M1AP: variants seen among roughly 807,000 people sequenced by gnomAD.
M1AP encodes the protein meiosis 1 arrest protein.
In M1AP, 39 loss-of-function variants were observed where a neutral mutation model predicts 51.2. That is an observed-to-expected ratio of 0.76 (90% CI 0.59 to 1.00). The LOEUF (loss-of-function observed/expected upper bound fraction) is 1.00. Among genes scored for constraint, M1AP ranks in the 50% least tolerant of loss-of-function variants. The pLI, the probability that M1AP is intolerant of heterozygous loss-of-function variation, is 0.00. For synonymous variants in M1AP, 251 were observed against 249.2 expected, an observed-to-expected ratio of 1.01 and a Z score of -0.07; for missense variants, 545 against 641.2, an observed-to-expected ratio of 0.85 and a Z score of 1.62.
intron 1 of M1AP, among the ~76,000 whole-genome samples, chr2:74,641,887 C>T (rs915939035): frequency 2.0e-5 from 3 of 151,396 alleles, no homozygotes; most frequent in African/African-American, 4.9e-5. Flanking sequence ...CTCTTGTTGC[C>T]CAGGCTGGAG....
chr2:74,569,290 C>A (rs550728263), intron 7 of M1AP, among the ~76,000 whole-genome samples: 4 of 151,928 alleles, frequency 2.6e-5, no homozygotes, highest in Admixed American at 2.6e-4. Context: ...TTAAAAACCA[C>A]ATGAGGTATA....
At chr2:74,591,966 T>C (rs1680068631) in intron 4 of M1AP, among the ~76,000 whole-genome samples, 1 of 151,930 alleles carries the variant, frequency 6.6e-6, no homozygotes, top group Admixed American at 6.6e-5. Flanking sequence ...TTTATTTTAT[T>C]TTATTTTATT....
intron 2 of M1AP, among the ~76,000 whole-genome samples, chr2:74,621,294 A>C (rs563610426): frequency 3.9e-4 from 59 of 151,700 alleles, no homozygotes; most frequent in African/African-American, 1.3e-3. Flanking sequence ...AAAAAACCCC[A>C]AAAAACAAAA....
intron 1 of M1AP, among the ~76,000 whole-genome samples, chr2:74,646,077 T>C (rs1683595842): frequency 6.6e-6 from 1 of 152,226 alleles, no homozygotes; most frequent in African/African-American, 2.4e-5. Context: ...CGTACTGATA[T>C]AATATAGTGA....
chr2:74,560,799 C>A (rs1212345307), intron 8 of M1AP, among the ~76,000 whole-genome samples: 2 of 152,064 alleles, frequency 1.3e-5, no homozygotes, highest in Non-Finnish European at 2.9e-5. Flanking sequence ...GAACCACTGG[C>A]CCCAAAGTGA....
intron 2 of M1AP, among the ~76,000 whole-genome samples, chr2:74,631,425 C>T (rs747732415): frequency 1.6e-4 from 24 of 152,070 alleles, no homozygotes; most frequent in African/African-American, 4.8e-4. Flanking sequence ...ATTACTCTTA[C>T]GCTCCCTTTA....
chr2:74,606,464 G>A (rs907738957), intron 4 of M1AP, among the ~76,000 whole-genome samples: 1 of 152,210 alleles, frequency 6.6e-6, no homozygotes. Flanking sequence ...ATTAAAAAAC[G>A]AGTCTGATCT....
intron 1 of M1AP, among the ~76,000 whole-genome samples, chr2:74,645,664 T>A (rs1683566485): frequency 6.6e-6 from 1 of 152,202 alleles, no homozygotes; most frequent in Non-Finnish European, 1.5e-5. Flanking sequence ...CAACTCCCCC[T>A]TAATTTGCAT....
intron 3 of M1AP, among the ~76,000 whole-genome samples, chr2:74,613,202 A>T (rs1681471372): frequency 6.6e-6 from 1 of 152,042 alleles, no homozygotes; most frequent in African/African-American, 2.4e-5. Flanking sequence ...TGCTTTATCC[A>T]TTAGAGCCCT....
intron 3 of M1AP, 89 bp from the exon 4 acceptor site, chr2:74,607,312 G>T: frequency 1.5e-6 from 2 of 1,327,618 alleles, no homozygotes; most frequent in Non-Finnish European, 2.1e-6. Context: ...GATAAATACA[G>T]CATAAGTCTG....
intron 9 of M1AP, 55 bp downstream of exon 9, chr2:74,560,096 G>A (rs1325443212): frequency 2.5e-6 from 4 of 1,585,086 alleles, no homozygotes; most frequent in South Asian, 2.3e-5. Context: ...AGGACTCTGG[G>A]CATGAAGGGG....
chr2:74,608,343 C>T (rs959635383), intron 3 of M1AP, among the ~76,000 whole-genome samples: 7 of 152,150 alleles, frequency 4.6e-5, no homozygotes, highest in Non-Finnish European at 8.8e-5. Flanking sequence ...ATATATGCAG[C>T]CTTTTCAAAT....
At chr2:74,603,373 G>A (rs1029558460) in intron 4 of M1AP, among the ~76,000 whole-genome samples, 4 of 152,154 alleles carry the variant, frequency 2.6e-5, no homozygotes, top group Non-Finnish European at 4.4e-5. Context: ...CAATTTAGGC[G>A]AGAAGACACA....
chr2:74,613,722 T>G (rs544604051), intron 3 of M1AP, among the ~76,000 whole-genome samples: 9 of 152,340 alleles, frequency 5.9e-5, no homozygotes, highest in Middle Eastern at 3.4e-3. Context: ...AACAGAGTGC[T>G]CTGGTATATT....
chr2:74,641,451 A>G (rs1318636871), intron 1 of M1AP, among the ~76,000 whole-genome samples: 2 of 152,274 alleles, frequency 1.3e-5, no homozygotes, highest in South Asian at 2.1e-4. Flanking sequence ...CTTTATGCTA[A>G]TAAGTTTGAT....
intron 3 of M1AP, among the ~76,000 whole-genome samples, chr2:74,608,664 A>G (rs2104709612): frequency 6.6e-6 from 1 of 152,372 alleles, no homozygotes; most frequent in African/African-American, 2.4e-5. Flanking sequence ...CCATCAAACT[A>G]TCTTTCAAAG....
At chr2:74,643,955 C>T (rs1237523074) in intron 1 of M1AP, among the ~76,000 whole-genome samples, 2 of 152,002 alleles carry the variant, frequency 1.3e-5, no homozygotes, top group Non-Finnish European at 2.9e-5. Context: ...TACTATTAAA[C>T]TACACATTCA....
Position 74,607,086 on chromosome 2 carries a change from T to G in M1AP, c.564A>C (p.Ser188=), listed in dbSNP as rs1014687303. The G allele has an allele frequency of 6.2e-7, 1 of 1,614,102 alleles. No homozygotes were observed. ...TGCTGGTATCCTCAACAGGAGACGC[T>G]GAGTCCACGTGCTCTAGGATTCCCT... ...VTKGILEHVD[S]ASPVEDTSND... Residue 188 remains serine (S), a synonymous_variant, in exon 4 of 11, where the codon TCA becomes TCC. Coordinates refer to ENST00000421985, the MANE Select transcript of M1AP (RefSeq NM_001321739.2).
intron 3 of M1AP, among the ~76,000 whole-genome samples, chr2:74,612,625 TTTC>T (rs149488272): frequency 0.011 from 1,691 of 152,332 alleles, 21 homozygotes; most frequent in African/African-American, 0.025. Flanking sequence ...ATTTGATATC[TTTC>T]TTCTTTTTTG....
Sources: gnomAD v4.1 joint callset for allele counts (sites outside exome capture counted in the v4.1 genomes callset) on GRCh38, gnomAD v4.1.1 for gene constraint, MANE v1.5 for transcripts, NCBI Gene and HGNC (gene_info 2026-07-23, HGNC 2026-07-21) for gene names.